VPS13A: variants seen among roughly 807,000 people sequenced by gnomAD.
The protein encoded by VPS13A is vacuolar protein sorting 13 homolog A, also known as intermembrane lipid transfer protein VPS13A.
VPS13A carries 264 observed loss-of-function variants against 390.9 expected under a neutral mutation model. The ratio of observed to expected loss-of-function variants is 0.68; its 90% CI spans 0.61 to 0.75. The LOEUF (loss-of-function observed/expected upper bound fraction) is 0.75. Ranked by LOEUF, VPS13A falls within the 30% of genes least tolerant of loss-of-function variation. VPS13A has a pLI of 0.00. For synonymous variants in VPS13A, 1,231 were observed against 1,227.1 expected (o/e 1.00, Z -0.07); for missense variants, 3,409 against 3,733.9 (o/e 0.91, Z 2.27).
At position 77,418,677 on chromosome 9, in the gene VPS13A, A is replaced by G. The variant is rs1835247395; in HGVS notation, c.*2671A>G. The G allele has an allele frequency of 1.3e-5, 2 of 152,040 alleles. No individual in the cohort carries two copies. Among genetic ancestry groups the G allele is most frequent in the African/African-American group, 4.8e-5 (2 of 41,400 alleles). The allele number at this position is 152,040 out of a possible 1,614,324, so 9.4% of individuals were successfully genotyped here. A position where few individuals can be genotyped will look rare whatever the true frequency, so the allele number is the denominator to read the frequency against. On this transcript the variant is annotated 3_prime_UTR_variant, in exon 72 of 72. Transcript: ENST00000360280. ...TTCTTACCTACCCCTCTCCTCCACA[A>G]TCCTAGTCCATTTGGAGGCAACTAT...
intron 71 of VPS13A, among the ~76,000 whole-genome samples, chr9:77,408,040 A>G (rs989433201): frequency 2.0e-5 from 3 of 152,230 alleles, no homozygotes; most frequent in African/African-American, 7.2e-5. Context: ...GCCAAGCCCA[A>G]CAGAAAATCC....
chr9:77,383,037 G>T, intron 68 of VPS13A: 1 of 985,062 alleles, frequency 1.0e-6, no homozygotes, highest in Non-Finnish European at 1.2e-6. Context: ...TAGGCTTGCA[G>T]ATACTCATGG....
At chr9:77,245,879 TG>T (rs1824776373) in intron 19 of VPS13A, among the ~76,000 whole-genome samples, 1 of 152,196 alleles carries the variant, frequency 6.6e-6, no homozygotes, top group South Asian at 2.1e-4. Flanking sequence ...CTCCAGCATC[TG>T]CTTTTGGTGA....
chr9:77,330,670 G>A (rs1830235215), intron 45 of VPS13A, among the ~76,000 whole-genome samples: 1 of 152,060 alleles, frequency 6.6e-6, no homozygotes, highest in African/African-American at 2.4e-5. Flanking sequence ...GAATGCTCTG[G>A]ATGTTGGTTA....
intron 52 of VPS13A, among the ~76,000 whole-genome samples, chr9:77,348,381 G>A (rs1167414117): frequency 2.0e-5 from 3 of 152,244 alleles, no homozygotes; most frequent in East Asian, 3.9e-4. Context: ...ACCAAACACC[G>A]CATGTCCCTG....
At chr9:77,188,073 C>G (rs1824451653) in intron 1 of VPS13A, among the ~76,000 whole-genome samples, 1 of 152,136 alleles carries the variant, frequency 6.6e-6, no homozygotes, top group Non-Finnish European at 1.5e-5. Context: ...CTTGCAAGAT[C>G]TGGTTAAGTG....
chr9:77,357,995 G>A (rs1415720238), intron 56 of VPS13A, among the ~76,000 whole-genome samples, 157 bp downstream of exon 56: 4 of 120,442 alleles, frequency 3.3e-5, no homozygotes, highest in South Asian at 5.6e-4. Context: ...TCCCTCTGTC[G>A]CCCAGGCTAG....
chr9:77,273,144 C>A, intron 23 of VPS13A, 136 bp from the exon 24 acceptor site: 1 of 668,086 alleles, frequency 1.5e-6, no homozygotes, highest in Non-Finnish European at 2.5e-6. Context: ...CTAATTTAAA[C>A]CTGATTATCT....
At chr9:77,414,314 C>T (rs1450391732) in intron 71 of VPS13A, among the ~76,000 whole-genome samples, 1 of 152,120 alleles carries the variant, frequency 6.6e-6, no homozygotes, top group Admixed American at 6.6e-5. Flanking sequence ...GCACTATTCA[C>T]AATAGCAAAG....
At chr9:77,322,640 A>C (rs1202016076) in intron 44 of VPS13A, among the ~76,000 whole-genome samples, 1 of 151,956 alleles carries the variant, frequency 6.6e-6, no homozygotes, top group African/African-American at 2.4e-5. Context: ...ATATATATAA[A>C]ATTTTATTTA....
intron 33 of VPS13A, among the ~76,000 whole-genome samples, chr9:77,298,675 A>G (rs1828155111): frequency 6.6e-6 from 1 of 152,142 alleles, no homozygotes; most frequent in African/African-American, 2.4e-5. Context: ...GATGGATAAT[A>G]GAGAGGTGAT....
chr9:77,343,247 G>T (rs1830938593), intron 50 of VPS13A, among the ~76,000 whole-genome samples: 1 of 152,174 alleles, frequency 6.6e-6, no homozygotes, highest in Non-Finnish European at 1.5e-5. Context: ...AGACTGCAGT[G>T]CCCTGGCTGT....
At chr9:77,353,354 T>G in intron 53 of VPS13A, 55 bp from the exon 54 acceptor site, 1 of 1,372,628 alleles carries the variant, frequency 7.3e-7, no homozygotes, top group South Asian at 1.3e-5. Flanking sequence ...TCATGTTCTT[T>G]GGGACCAAAT....
At chr9:77,278,834 A>G (rs532793058) in intron 26 of VPS13A, among the ~76,000 whole-genome samples, 1 of 152,330 alleles carries the variant, frequency 6.6e-6, no homozygotes, top group Admixed American at 6.5e-5. Context: ...TTCTTAGTAT[A>G]GCACATTTTG....
chr9:77,269,282 A>G (rs1416902591), intron 23 of VPS13A, among the ~76,000 whole-genome samples: 1 of 152,112 alleles, frequency 6.6e-6, no homozygotes, highest in Non-Finnish European at 1.5e-5. Flanking sequence ...CTAGTTTTAC[A>G]TCTGCACTTA....
chr9:77,370,120 C>CT (rs1254980706), intron 63 of VPS13A, 137 bp from the exon 64 acceptor site: 6 of 943,386 alleles, frequency 6.4e-6, no homozygotes, highest in Non-Finnish European at 1.0e-5. Flanking sequence ...TAATGTGAAA[C>CT]TTTTTGCTGA....
chr9:77,382,989 C>G (rs1300785017), intron 68 of VPS13A: 25 of 985,064 alleles, frequency 2.5e-5, no homozygotes, highest in Non-Finnish European at 2.2e-5. Context: ...TAAATTAAAT[C>G]ATTTGTTTGA....
At position 77,334,602 on chromosome 9, in the gene VPS13A, A is replaced by T. The variant is rs145704938; in HGVS notation, c.6095+2489A>T. 3.3e-3 allele frequency among the ~76,000 whole-genome samples: 494 copies of T among 150,818 alleles called. 1 individual carries two copies. Among genetic ancestry groups the T allele is most frequent in the Admixed American group, 5.5e-3 (84 of 15,198 alleles). ...TCTAAACATATGTTTTTTGGTACCT[A>T]TCACAATGCAGTAGTTATCTTTTAA... On this transcript the variant is annotated intron_variant, in intron 46 of 71. Coordinates refer to ENST00000360280, the MANE Select transcript of VPS13A (RefSeq NM_033305.3).
intron 68 of VPS13A, chr9:77,390,033 C>A (rs952712393): frequency 1.0e-6 from 1 of 981,228 alleles, no homozygotes; most frequent in African/African-American, 1.8e-5. Flanking sequence ...CGTGGTCTTT[C>A]CCTTTACTTC....
Sources: allele counts gnomAD v4.1 joint callset (sites outside exome capture counted in the v4.1 genomes callset), GRCh38; gene constraint gnomAD v4.1.1; transcripts MANE v1.5; gene names NCBI Gene and HGNC (gene_info 2026-07-23, HGNC 2026-07-21).